Variants in EPHA6 observed in about 807,000 individuals in gnomAD.
EPHA6 encodes the protein EPH receptor A6.
A neutral mutation model predicts 112.0 loss-of-function variants in EPHA6; 50 were observed. The ratio of observed to expected loss-of-function variants is 0.45; its 90% CI spans 0.36 to 0.56. The LOEUF (loss-of-function observed/expected upper bound fraction) is 0.56, where lower values mean the gene tolerates loss of function less well. Ranked by LOEUF, EPHA6 falls within the 20% of genes least tolerant of loss-of-function variation. EPHA6 has a pLI of 0.00. For missense variants in EPHA6, 1,280 were observed against 1,417.4 expected, an observed-to-expected ratio of 0.90 and a Z score of 1.56; for synonymous variants, 529 against 490.7, an observed-to-expected ratio of 1.08 and a Z score of -1.03.
rs547934505 is a variant in EPHA6, at chr3:97,140,702, A to G, written c.1115-85562A>G. On this transcript the variant is annotated intron_variant, in intron 3 of 17. Transcript: ENST00000389672. ...AGGAATTCTAAACCTAGAAACAAAAAGACAATACTGGTCATGATAAAGCAC... is the reference window on the plus strand; with the variant it reads ...AGGAATTCTAAACCTAGAAACAAAAGGACAATACTGGTCATGATAAAGCAC... Among the ~76,000 whole-genome samples, 3 of 152,338 alleles carry G rather than the reference A, an allele frequency of 2.0e-5. No individual in the cohort carries two copies. The South Asian group carries it at 6.2e-4, about 32-fold the overall frequency.
chr3:96,940,498 A>G (rs1229739252), intron 2 of EPHA6, among the ~76,000 whole-genome samples: 1 of 152,158 alleles, frequency 6.6e-6, no homozygotes, highest in Non-Finnish European at 1.5e-5. Flanking sequence ...GTTTCTCTGC[A>G]CGTGAGATGG....
At position 96,850,917 on chromosome 3, in the gene EPHA6, A is replaced by T. The variant is rs143625329; in HGVS notation, c.386-15908A>T. 2.0e-3 allele frequency among the ~76,000 whole-genome samples: 302 copies of T among 152,286 alleles called. 2 individuals carry two copies. The highest frequency in any genetic ancestry group is 6.9e-3 in the African/African-American group (287 of 41,574). The stretch of plus-strand genomic sequence containing the variant: ...ATAAAAATATACATAAATAAAACAA[A>T]TGAAAATGCAAAACATATATTAAAA... On this transcript the variant is annotated intron_variant, in intron 1 of 17. Transcript: ENST00000389672.
chr3:97,595,737 AAT>A (rs1181454488), intron 12 of EPHA6, among the ~76,000 whole-genome samples: 2 of 151,908 alleles, frequency 1.3e-5, no homozygotes, highest in Non-Finnish European at 2.9e-5. Context: ...GAATAAACGA[AAT>A]AAGAGAATGG....
intron 4 of EPHA6, among the ~76,000 whole-genome samples, chr3:97,233,194 C>A (rs924817159): frequency 2.0e-5 from 3 of 151,980 alleles, no homozygotes; most frequent in Admixed American, 2.0e-4. Flanking sequence ...GGGTGGAGGG[C>A]CCTCTCCTGC....
intron 2 of EPHA6, 98 bp from the exon 3 acceptor site, chr3:96,987,232 C>A: frequency 2.0e-6 from 2 of 1,014,608 alleles, no homozygotes; most frequent in Non-Finnish European, 1.5e-6. Flanking sequence ...CCTTTTAATT[C>A]ATTTTTATTT....
At chr3:97,324,724 G>C (rs568813592) in intron 5 of EPHA6, among the ~76,000 whole-genome samples, 1 of 151,894 alleles carries the variant, frequency 6.6e-6, no homozygotes, top group South Asian at 2.1e-4. Flanking sequence ...TTTTTTAGTA[G>C]AGATGGGGTT....
intron 3 of EPHA6, among the ~76,000 whole-genome samples, chr3:97,065,804 T>C (rs545815250): frequency 6.6e-6 from 1 of 152,158 alleles, no homozygotes; most frequent in Non-Finnish European, 1.5e-5. Flanking sequence ...TGTGTTCAGA[T>C]CATATGATAC....
intron 11 of EPHA6, chr3:97,590,301 C>T (rs1292592970): frequency 6.6e-6 from 1 of 152,094 alleles, no homozygotes; most frequent in Admixed American, 6.5e-5. Context: ...ATAGCAGAGA[C>T]ATTATGAATG....
At chr3:97,376,237 C>G (rs1171904403) in intron 5 of EPHA6, among the ~76,000 whole-genome samples, 1 of 152,020 alleles carries the variant, frequency 6.6e-6, no homozygotes, top group Admixed American at 6.6e-5. Context: ...AGAGAGTTAT[C>G]TCATGATAAA....
Position 97,759,661 on chromosome 3 carries a change from T to G in EPHA6, c.*10960T>G, listed in dbSNP as rs976643535. The G allele has an allele frequency of 4.4e-6, 1 of 229,488 alleles. No individual in the cohort carries two copies. Among genetic ancestry groups the G allele is most frequent in the African/African-American group, 2.2e-5 (1 of 45,126 alleles). 14.2% of individuals were successfully genotyped at this position (229,488 alleles called of 1,614,324 possible). On this transcript the variant is annotated 3_prime_UTR_variant, in exon 18 of 18. Transcript: ENST00000389672. ...GAAGGCAGAATGTGTAATGTGCAAA[T>G]AGGTTGGTATATTTGTGGTAGAAAG...
intron 5 of EPHA6, among the ~76,000 whole-genome samples, chr3:97,251,493 G>A (rs1405628919): frequency 6.6e-6 from 1 of 151,794 alleles, no homozygotes; most frequent in African/African-American, 2.4e-5. Context: ...TCGTCCCTCT[G>A]CACTCCAGCC....
intron 14 of EPHA6, among the ~76,000 whole-genome samples, chr3:97,700,283 C>T (rs1306198475): frequency 6.6e-6 from 1 of 152,166 alleles, no homozygotes; most frequent in African/African-American, 2.4e-5. Context: ...TCTCCAGTGA[C>T]CAAAGTTCGC....
At chr3:96,966,608 T>C (rs2042128728) in intron 2 of EPHA6, among the ~76,000 whole-genome samples, 1 of 152,124 alleles carries the variant, frequency 6.6e-6, no homozygotes, top group Non-Finnish European at 1.5e-5. Context: ...TTTTTTGTAG[T>C]AAATAAGGTT....
intron 3 of EPHA6, among the ~76,000 whole-genome samples, chr3:97,031,842 G>C (rs2044860638): frequency 6.6e-6 from 1 of 152,136 alleles, no homozygotes; most frequent in South Asian, 2.1e-4. Flanking sequence ...CTTTTACACT[G>C]TTGGTGGGAC....
At chr3:97,402,301 A>G (rs2087041435) in intron 5 of EPHA6, among the ~76,000 whole-genome samples, 1 of 151,978 alleles carries the variant, frequency 6.6e-6, no homozygotes, top group Admixed American at 6.6e-5. Context: ...TTTAGATCTA[A>G]TATTTGCTTT....
intron 12 of EPHA6, among the ~76,000 whole-genome samples, chr3:97,607,503 G>C (rs907022214): frequency 6.6e-6 from 1 of 151,146 alleles, no homozygotes; most frequent in African/African-American, 2.4e-5. Flanking sequence ...TTTCTTAGAG[G>C]ATCTTCATTC....
intron 11 of EPHA6, among the ~76,000 whole-genome samples, chr3:97,570,836 C>T (rs1385514183): frequency 6.6e-6 from 1 of 152,070 alleles, no homozygotes; most frequent in Non-Finnish European, 1.5e-5. Context: ...ATAATGCTGC[C>T]TGAAGCAGGT....
chr3:96,932,261 A>G (rs563973284), intron 2 of EPHA6, among the ~76,000 whole-genome samples: 103 of 152,204 alleles, frequency 6.8e-4, no homozygotes, highest in East Asian at 1.9e-3. Context: ...TCATTCCTCT[A>G]TGTGAGTAGT....
intron 15 of EPHA6, among the ~76,000 whole-genome samples, chr3:97,721,888 T>C (rs1411572694): frequency 6.6e-6 from 1 of 152,184 alleles, no homozygotes; most frequent in Non-Finnish European, 1.5e-5. Flanking sequence ...TTGGGGATTT[T>C]GTTTGTTTGT....
Sources: allele counts gnomAD v4.1 joint callset (sites outside exome capture counted in the v4.1 genomes callset), GRCh38; gene constraint gnomAD v4.1.1; transcripts MANE v1.5; gene names NCBI Gene and HGNC (gene_info 2026-07-23, HGNC 2026-07-21).